Variants in DACT3 observed in about 807,000 individuals in gnomAD.
DACT3 encodes the protein dapper homolog 3.
Under a neutral mutation model 19.6 loss-of-function variants are expected in DACT3, and 5 were observed. The ratio of observed to expected loss-of-function variants is 0.26; its 90% confidence interval spans 0.13 to 0.54. The LOEUF (loss-of-function observed/expected upper bound fraction) is 0.54. Among genes scored for constraint, DACT3 ranks in the 20% least tolerant of loss-of-function variants. The pLI is 0.95. For missense variants in DACT3, 908 were observed against 927.4 expected (o/e 0.98, Z 0.27); for synonymous variants, 454 against 428.1 (o/e 1.06, Z -0.75).
Position 46,649,559 on chromosome 19 carries a change from A to C in DACT3, c.813T>G (p.Ser271Arg). Reference protein sequence around the residue: ...RRRGAGQPRTSPGGADGGPRR... With the variant: ...RRRGAGQPRTRPGGADGGPRR... ...GCGGGCCGCCGTCCGCGCCCCCGGG[A>C]CTGGTCCGGGGCTGGCCCGCCCCCC... is the stretch of plus-strand genomic sequence containing the variant. The change falls in exon 4 of 4, where the codon AGT becomes AGG. Residue 271 changes from serine (S) to arginine (R), a missense_variant. Coordinates refer to ENST00000391916, the MANE Select transcript of DACT3 (RefSeq NM_145056.3). The C allele has an allele frequency of 9.5e-7, 1 of 1,055,080 alleles. No homozygotes were observed. The highest frequency in any genetic ancestry group is 1.1e-6 in the Non-Finnish European group (1 of 876,836). The allele number at this position is 1,055,080 out of a possible 1,614,324, so 65.4% of individuals were successfully genotyped here.
chr19:46,649,907 G>T, intron 3 of DACT3, 35 bp from the exon 4 acceptor site: 1 of 1,330,128 alleles, frequency 7.5e-7, no homozygotes, highest in Non-Finnish European at 9.6e-7. Flanking sequence ...AAAAAAAAGA[G>T]AGAGTGGAGG....
chr19:46,653,377 C>T (rs183283826), intron 1 of DACT3, among the ~76,000 whole-genome samples: 1 of 152,032 alleles, frequency 6.6e-6, no homozygotes, highest in Non-Finnish European at 1.5e-5. Context: ...GTTGCTACCC[C>T]CAATCTGTGC....
At chr19:46,653,154 G>C in intron 1 of DACT3, 79 bp from the exon 2 acceptor site, 1 of 1,523,694 alleles carries the variant, frequency 6.6e-7, no homozygotes, top group East Asian at 2.5e-5. Flanking sequence ...CGAGCTCATG[G>C]GCAGAGTTTC....
Position 46,649,136 on chromosome 19 carries a change from G to A in DACT3, c.1236C>T (p.Arg412=), listed in dbSNP as rs1252002185. Residue 412 remains arginine, a synonymous_variant, in exon 4 of 4, where the codon CGC becomes CGT. Coordinates refer to ENST00000391916, the MANE Select transcript of DACT3 (RefSeq NM_145056.3). The part of the protein sequence containing the change: ...RRGRMAEASG[R]RGSPRARKAS... ...CCTTGCGGGCCCTGGGCGAGCCGCG[G>A]CGGCCCGAAGCCTCGGCCATGCGTC... The A allele has an allele frequency of 1.6e-6, 2 of 1,264,708 alleles. No individual in the cohort carries two copies. Among genetic ancestry groups the A allele is most frequent in the South Asian group, 2.5e-5 (1 of 40,508 alleles). 78.3% of individuals were successfully genotyped at this position (1,264,708 alleles called of 1,614,324 possible). A position where few individuals can be genotyped will look rare whatever the true frequency, so the allele number is the denominator to read the frequency against.
At chr19:46,651,990 C>T (rs8109535) in intron 3 of DACT3, 109,830 of 151,768 alleles carry the variant, frequency 0.72, 40,592 homozygotes, top group African/African-American at 0.9. Flanking sequence ...ACCTCCAGGG[C>T]TCAAGCAATT....
chr19:46,654,601 T>A, intron 1 of DACT3: 1 of 985,232 alleles, frequency 1.0e-6, no homozygotes. Context: ...GGACTTAATC[T>A]CATTTTAGAA....
At chr19:46,657,618 G>A (rs1318644135) in intron 1 of DACT3, among the ~76,000 whole-genome samples, 2 of 151,582 alleles carry the variant, frequency 1.3e-5, no homozygotes, top group East Asian at 2.0e-4. Flanking sequence ...CTCCCAAAGT[G>A]CTGGAATTAC....
chr19:46,655,152 C>T (rs1034505956), intron 1 of DACT3: 25 of 671,912 alleles, frequency 3.7e-5, no homozygotes, highest in East Asian at 2.7e-4. Flanking sequence ...ACCATGTATG[C>T]GCCTACCTCG....
chr19:46,648,405 T>C lies in DACT3; in HGVS notation c.*77A>G, dbSNP rs1051047465. 7.5e-6 allele frequency: 12 copies of C among 1,596,042 alleles called. No homozygotes were observed. Among genetic ancestry groups the C allele is most frequent in the Admixed American group, 1.7e-5 (1 of 58,364 alleles). ...AGAGAAAACGATGGTCTTTGGAAGG[T>C]AGATGTGGAAGGGTCAGTGGTTGGG... On this transcript the variant is annotated 3_prime_UTR_variant, in exon 4 of 4. Coordinates refer to ENST00000391916, the MANE Select transcript of DACT3 (RefSeq NM_145056.3). This position sits in a 1 kb window ranked among gnomAD's most constrained non-coding sequence, Gnocchi z 5.1.
chr19:46,660,914 C>T lies in DACT3; in HGVS notation c.151G>A (p.Gly51Arg), dbSNP rs1452901089. ...TCCTCGGCCTCGGCGCCCCCCATTC[C>T]GGGCTGGGCCAGCCGCAGCGCCTGC... ...VQQALRLAQP[G>R]MGGAEAEDEE... The change falls in exon 1 of 4, where the codon GGA becomes AGA. Residue 51 changes from glycine to arginine, a missense_variant. By Grantham distance (125) the Gly-to-Arg change is moderately radical. Around this residue, in one of 2 missense-constraint regions of DACT3, gnomAD observed 252 missense variants for 325.6 expected, o/e 0.77. Coordinates refer to ENST00000391916, the MANE Select transcript of DACT3 (RefSeq NM_145056.3). The surrounding 1 kb of genome is among the most constrained non-coding windows in gnomAD (Gnocchi z 4.9). The T allele has an allele frequency of 1.3e-6, 2 of 1,538,180 alleles. No homozygotes were observed. Among genetic ancestry groups the T allele is most frequent in the Non-Finnish European group, 8.7e-7 (1 of 1,145,876 alleles).
chr19:46,653,180 C>T, intron 1 of DACT3, 105 bp from the exon 2 acceptor site: 44 of 1,475,454 alleles, frequency 3.0e-5, no homozygotes, highest in Non-Finnish European at 4.0e-5. Context: ...GACAATGAGG[C>T]TCTCGCTTCA....
chr19:46,654,515 T>C lies in DACT3; in HGVS notation c.250-1440A>G, dbSNP rs2053017848. The C allele has an allele frequency of 3.1e-6, 3 of 969,848 alleles. No homozygotes were observed. In the South Asian group the frequency reaches 1.4e-4, roughly 46 times the overall value. The allele number at this position is 969,848 out of a possible 1,614,324, so 60.1% of individuals were successfully genotyped here. A position where few individuals can be genotyped will look rare whatever the true frequency, so the allele number is the denominator to read the frequency against. ...AAAAAAAGGAAAAAAGAAAAAGAAA[T>C]TTCCATGAGTCTACCCTGGATCCTT... On this transcript the variant is annotated intron_variant, in intron 1 of 3. Transcript: ENST00000391916.
At position 46,660,904 on chromosome 19, in the gene DACT3, C is replaced by G; in HGVS notation, c.161G>C (p.Gly54Ala). The G allele has an allele frequency of 6.5e-7, 1 of 1,537,600 alleles. No individual in the cohort carries two copies. Among genetic ancestry groups the G allele is most frequent in the South Asian group, 1.2e-5 (1 of 83,474 alleles). ...ALRLAQPGMG[G>A]AEAEDEEDAD... ...GTCCTCCTCGTCCTCGGCCTCGGCG[C>G]CCCCCATTCCGGGCTGGGCCAGCCG... Residue 54 changes from glycine to alanine, a missense_variant, in exon 1 of 4, where the codon GGC (glycine) becomes GCC (alanine). Physicochemically the swap from Gly to Ala is moderately conservative, Grantham distance 60 (BLOSUM62 0). Coordinates refer to ENST00000391916, the MANE Select transcript of DACT3 (RefSeq NM_145056.3). This position sits in a 1 kb window ranked among gnomAD's most constrained non-coding sequence, Gnocchi z 4.9.
Position 46,660,544 on chromosome 19 carries a change from A to G in DACT3, c.249+272T>C. On this transcript the variant is annotated intron_variant, in intron 1 of 3. Transcript: ENST00000391916. This position sits in a 1 kb window ranked among gnomAD's most constrained non-coding sequence, Gnocchi z 4.9. ...GTTTGACACATACTTGGCGCCCACAAGGATTTTCTTTGGGGAAGGGGTGTA... is the reference window on the plus strand; with the variant it reads ...GTTTGACACATACTTGGCGCCCACAGGGATTTTCTTTGGGGAAGGGGTGTA... The G allele has an allele frequency of 4.2e-6, 2 of 477,592 alleles. No individual in the cohort carries two copies. Among genetic ancestry groups the G allele is most frequent in the African/African-American group, 2.0e-5 (1 of 49,186 alleles). 29.6% of individuals were successfully genotyped at this position (477,592 alleles called of 1,614,324 possible).
intron 1 of DACT3, chr19:46,655,070 C>A (rs550062025): frequency 1.0e-6 from 1 of 985,226 alleles, no homozygotes; most frequent in Non-Finnish European, 1.2e-6. Flanking sequence ...CCCCATGTCA[C>A]GTCCGTCACA....
Position 46,660,852 on chromosome 19 carries a change from C to G in DACT3, c.213G>C (p.Ala71=). The change falls in exon 1 of 4, where the codon GCG becomes GCC. Residue 71 remains alanine (A), a synonymous_variant. Coordinates refer to ENST00000391916, the MANE Select transcript of DACT3 (RefSeq NM_145056.3). The surrounding 1 kb of genome is among the most constrained non-coding windows in gnomAD (Gnocchi z 4.9). The stretch of plus-strand genomic sequence containing the variant: ...CCAGGGCCGCTGCGGCCCGGCGCGC[C>G]GCCGCCGCATCTTCATCCTCATCGG... ...EDADEDEDAA[A]ARRAAAALEE... The G allele has an allele frequency of 6.6e-7, 1 of 1,522,330 alleles. No individual in the cohort carries two copies. The highest frequency in any genetic ancestry group is 8.8e-7 in the Non-Finnish European group (1 of 1,140,482). The allele number at this position is 1,522,330 out of a possible 1,614,324, so 94.3% of individuals were successfully genotyped here.
chr19:46,650,766 G>C (rs1247541234), intron 3 of DACT3: 1 of 152,034 alleles, frequency 6.6e-6, no homozygotes, highest in Non-Finnish European at 1.5e-5. Context: ...CTGAAAGCAG[G>C]CGCCAGTCAC....
chr19:46,654,962 C>T, intron 1 of DACT3: 1 of 985,358 alleles, frequency 1.0e-6, no homozygotes, highest in Non-Finnish European at 1.2e-6. Context: ...TATTGAGATG[C>T]TCACAGTGAA....
chr19:46,653,963 T>C (rs2053010945), intron 1 of DACT3: 2 of 984,806 alleles, frequency 2.0e-6, no homozygotes, highest in South Asian at 4.7e-5. Flanking sequence ...ATTGCCTCTT[T>C]CCCCCATATG....
Sources: gnomAD v4.1 joint callset for allele counts (sites outside exome capture counted in the v4.1 genomes callset) on GRCh38, gnomAD v4.1.1 for gene constraint, gnomAD v4.1.1 regional missense constraint, Gnocchi (gnomAD v3.1) non-coding constraint, MANE v1.5 for transcripts, NCBI Gene and HGNC (gene_info 2026-07-23, HGNC 2026-07-21) for gene names.